KIF13A: variants seen among roughly 807,000 people sequenced by gnomAD.
KIF13A encodes the protein kinesin family member 13A, also known as kinesin-like protein KIF13A.
A neutral mutation model predicts 212.2 loss-of-function variants in KIF13A; 79 were observed. The ratio of observed to expected loss-of-function variants is 0.37; its 90% CI spans 0.31 to 0.45. The LOEUF is 0.45. Among genes scored for constraint, KIF13A ranks in the 20% least tolerant of loss-of-function variants. The pLI, the probability that KIF13A is intolerant of heterozygous loss-of-function variation, is 1.00. For missense variants in KIF13A, 1,901 were observed against 2,209.0 expected (o/e 0.86, Z 2.79); for synonymous variants, 789 against 808.6 (o/e 0.98, Z 0.41).
chr6:17,921,640 A>G (rs1024783911), intron 2 of KIF13A, among the ~76,000 whole-genome samples: 2 of 152,198 alleles, frequency 1.3e-5, no homozygotes, highest in Non-Finnish European at 2.9e-5. Flanking sequence ...ACACAATAGA[A>G]CAGAACATCT....
intron 16 of KIF13A, among the ~76,000 whole-genome samples, chr6:17,820,024 A>G (rs1174785979): frequency 6.6e-6 from 1 of 152,110 alleles, no homozygotes; most frequent in Non-Finnish European, 1.5e-5. Flanking sequence ...GAGATACTGA[A>G]TAAGATATAT....
In KIF13A at chr6:17,771,192, G is replaced by C. The variant is rs1362747960; in HGVS notation, c.4503C>G (p.Asn1501Lys). The change falls in exon 38 of 39, where the codon AAC becomes AAG. Residue 1501 changes from asparagine to lysine, a missense_variant. Physicochemically the swap from Asn to Lys is moderately conservative, Grantham distance 94 (BLOSUM62 0). Around this residue, in one of 5 missense-constraint regions of KIF13A, gnomAD observed 687 missense variants for 759.1 expected, o/e 0.90. Coordinates refer to ENST00000259711, the MANE Select transcript of KIF13A (RefSeq NM_022113.6). This position sits in a 1 kb window ranked among gnomAD's most constrained non-coding sequence, Gnocchi z 5.4. Reference protein sequence around the residue: ...QESMPPPQAHNPGCIVPSGSN... With the variant: ...QESMPPPQAHKPGCIVPSGSN... ...TTCCTGAGGGTACAATGCAGCCAGG[G>C]TTATGTGCCTGAGGTGGAGGCATGC... The C allele has an allele frequency of 7.4e-6, 12 of 1,612,878 alleles. No homozygotes were observed. In the South Asian group the frequency reaches 1.2e-4, roughly 16 times the overall value.
chr6:17,982,326 G>C lies in KIF13A; in HGVS notation c.146+4728C>G. Reference sequence around the variant, plus strand: ...TTGGCCAGGCTGGTCTCGAACTCCTGACCTCAGGTGATCTGCCTGCCTTGG... The same window carrying C: ...TTGGCCAGGCTGGTCTCGAACTCCTCACCTCAGGTGATCTGCCTGCCTTGG... On this transcript the variant is annotated intron_variant, in intron 2 of 38. Coordinates refer to ENST00000259711, the MANE Select transcript of KIF13A (RefSeq NM_022113.6). The surrounding 1 kb of genome is among the most constrained non-coding windows in gnomAD (Gnocchi z 5.1). The C allele has an allele frequency of 6.5e-6, 3 of 464,636 alleles. No individual in the cohort carries two copies. Among genetic ancestry groups the C allele is most frequent in the Non-Finnish European group, 8.5e-6 (3 of 354,992 alleles). The allele number at this position is 464,636 out of a possible 1,614,324, so 28.8% of individuals were successfully genotyped here.
At chr6:17,896,912 G>A (rs562659677) in intron 3 of KIF13A, among the ~76,000 whole-genome samples, 5 of 152,182 alleles carry the variant, frequency 3.3e-5, no homozygotes, top group Non-Finnish European at 7.3e-5. Flanking sequence ...AGCAAGGGAT[G>A]TAAAAGCTAG....
Position 17,828,480 on chromosome 6 carries a change from C to T in KIF13A, c.1402-110G>A, listed in dbSNP as rs1765162092. On this transcript the variant is annotated intron_variant, in intron 13 of 38. Coordinates refer to ENST00000259711, the MANE Select transcript of KIF13A (RefSeq NM_022113.6). This position sits in a 1 kb window ranked among gnomAD's most constrained non-coding sequence, Gnocchi z 4.3. ...GCAGCATATGCACAAAAATATTAAA[C>T]GAATCCTGCCAGAGATGTTAAATAT... The T allele has an allele frequency of 6.1e-6, 5 of 820,392 alleles. No individual in the cohort carries two copies. The highest frequency in any genetic ancestry group is 2.8e-5 in the East Asian group (1 of 35,462). The allele number at this position is 820,392 out of a possible 1,614,324, so 50.8% of individuals were successfully genotyped here.
At chr6:17,798,178 T>C (rs761929598) in intron 22 of KIF13A, among the ~76,000 whole-genome samples, 18 of 152,048 alleles carry the variant, frequency 1.2e-4, no homozygotes, top group Admixed American at 2.0e-4. Context: ...TTCATGACAA[T>C]CTATACATTT....
intron 2 of KIF13A, among the ~76,000 whole-genome samples, chr6:17,928,105 T>G (rs1775652788): frequency 6.6e-6 from 1 of 152,226 alleles, no homozygotes; most frequent in Admixed American, 6.5e-5. Context: ...AGGTATCTAC[T>G]TCCCAGGCTG....
Position 17,769,380 on chromosome 6 carries a change from C to T in KIF13A, c.4581+1734G>A, listed in dbSNP as rs1022886120. Among the ~76,000 whole-genome samples the T allele has an allele frequency of 1.3e-5, 2 of 152,114 alleles. No individual in the cohort carries two copies. Among genetic ancestry groups the T allele is most frequent in the African/African-American group, 4.8e-5 (2 of 41,430 alleles). ...GAGACAGCTTTTTCAAGTAAGACTC[C>T]AGCAAGAACAATAACACCATCAAGT... On this transcript the variant is annotated intron_variant, in intron 38 of 38. Transcript: ENST00000259711. This position sits in a 1 kb window ranked among gnomAD's most constrained non-coding sequence, Gnocchi z 5.8.
chr6:17,980,458 G>C (rs531664505), intron 2 of KIF13A, among the ~76,000 whole-genome samples: 2 of 152,110 alleles, frequency 1.3e-5, no homozygotes, highest in Non-Finnish European at 2.9e-5. Context: ...CTGAATGATG[G>C]TGTGGGAAAC....
chr6:17,808,798 G>A lies in KIF13A; in HGVS notation c.2133C>T (p.Ile711=). 1 of 1,613,810 alleles carries A rather than the reference G, an allele frequency of 6.2e-7. No homozygotes were observed. The highest frequency in any genetic ancestry group is 8.5e-7 in the Non-Finnish European group (1 of 1,179,830). Residue 711 remains isoleucine (I), a synonymous_variant, in exon 18 of 39, where the codon ATC becomes ATT. Transcript: ENST00000259711. ...TATTGGCACTGAGGTTTGCAGCAGG[G>A]ATCTGAAGAGTCACTTGGTAATCGG... ...KLTDYQVTLQ[I]PAANLSANRK...
Position 17,968,879 on chromosome 6 carries a change from G to C in KIF13A, c.146+18175C>G, listed in dbSNP as rs1183341411. Reference sequence around the variant, plus strand: ...GACTAGAAGCACTAGAACCACCAGTGATGTGACAGACACAACCTGAGGACT... The same window carrying C: ...GACTAGAAGCACTAGAACCACCAGTCATGTGACAGACACAACCTGAGGACT... On this transcript the variant is annotated intron_variant, in intron 2 of 38. Transcript: ENST00000259711. The surrounding 1 kb of genome is among the most constrained non-coding windows in gnomAD (Gnocchi z 4.7). Among the ~76,000 whole-genome samples, 1 of 152,214 alleles carries C rather than the reference G, an allele frequency of 6.6e-6. No homozygotes were observed. Among genetic ancestry groups the C allele is most frequent in the Non-Finnish European group, 1.5e-5 (1 of 68,036 alleles).
intron 22 of KIF13A, among the ~76,000 whole-genome samples, chr6:17,798,190 A>G (rs1762203138): frequency 6.6e-6 from 1 of 152,182 alleles, no homozygotes; most frequent in Admixed American, 6.5e-5. Flanking sequence ...TATACATTTT[A>G]GCGATGAAAA....
chr6:17,877,216 T>G (rs563496950), intron 3 of KIF13A, among the ~76,000 whole-genome samples: 117 of 152,142 alleles, frequency 7.7e-4, no homozygotes, highest in East Asian at 2.1e-3. Context: ...TATTTTAATG[T>G]TTTTAAAACT....
At chr6:17,813,902 T>TAGC (rs1217938779) in intron 17 of KIF13A, among the ~76,000 whole-genome samples, 2 of 151,914 alleles carry the variant, frequency 1.3e-5, no homozygotes, top group Admixed American at 6.6e-5. Flanking sequence ...GAACAGCAAT[T>TAGC]AGTACCTGGT....
Position 17,777,891 on chromosome 6 carries a change from C to A in KIF13A, c.4093-537G>T, listed in dbSNP as rs1760145252. Among the ~76,000 whole-genome samples the A allele has an allele frequency of 6.6e-6, 1 of 151,942 alleles. No individual in the cohort carries two copies. Among genetic ancestry groups the A allele is most frequent in the Non-Finnish European group, 1.5e-5 (1 of 68,006 alleles). On this transcript the variant is annotated intron_variant, in intron 33 of 38. Transcript: ENST00000259711. The surrounding 1 kb of genome is among the most constrained non-coding windows in gnomAD (Gnocchi z 4.4). ...GTGTGGTGGTTCATGTCTATAATCC[C>A]AGCACTCTGGGAGGCTGAGGCAGGT...
intron 9 of KIF13A, among the ~76,000 whole-genome samples, chr6:17,841,061 A>G (rs1268870120): frequency 6.6e-6 from 1 of 150,424 alleles, no homozygotes; most frequent in Non-Finnish European, 1.5e-5. Context: ...CGCATCCAGA[A>G]GCCCAAAACC....
At chr6:17,778,745 C>G (rs1458485443) in intron 33 of KIF13A, among the ~76,000 whole-genome samples, 2 of 152,168 alleles carry the variant, frequency 1.3e-5, no homozygotes, top group Non-Finnish European at 2.9e-5. Context: ...AGGCTCAGTG[C>G]TTGGCAAGTA....
intron 2 of KIF13A, among the ~76,000 whole-genome samples, chr6:17,927,103 C>A (rs770499096): frequency 6.6e-6 from 1 of 151,296 alleles, no homozygotes. Flanking sequence ...TCACACCATG[C>A]CCTCCAGACT....
At chr6:17,891,081 T>C (rs997260331) in intron 3 of KIF13A, among the ~76,000 whole-genome samples, 2 of 152,134 alleles carry the variant, frequency 1.3e-5, no homozygotes, top group African/African-American at 4.8e-5. Context: ...AAAGCCTCTT[T>C]TTTCCCCCTG....
Sources: gnomAD v4.1 joint callset for allele counts (sites outside exome capture counted in the v4.1 genomes callset) on GRCh38, gnomAD v4.1.1 for gene constraint, gnomAD v4.1.1 regional missense constraint, Gnocchi (gnomAD v3.1) non-coding constraint, MANE v1.5 for transcripts, NCBI Gene and HGNC (gene_info 2026-07-23, HGNC 2026-07-21) for gene names.